KLF8: variants seen among roughly 807,000 people sequenced by gnomAD.
KLF8 encodes Krueppel-like factor 8.
A neutral mutation model predicts 18.2 loss-of-function variants in KLF8; 10 were observed. The observed-to-expected ratio is 0.55, with a 90% CI of 0.34 to 0.93. KLF8 has a LOEUF of 0.93. KLF8 is among the 40% of genes least tolerant of loss of function. KLF8 has a pLI of 0.02. For synonymous variants in KLF8, 109 were observed against 97.3 expected, an observed-to-expected ratio of 1.12 and a Z score of -0.71; for missense variants, 264 against 277.9, an observed-to-expected ratio of 0.95 and a Z score of 0.36.
chrX:55,990,572 C>T, the KLF8 span, among the ~76,000 whole-genome samples: 59,206 of 111,027 alleles, frequency 0.53, 13,745 homozygotes, highest in East Asian at 0.75. Context: ...GGAGGAGAGG[C>T]GCTCTGATTT....
chrX:56,089,128 G>T, the KLF8 span, among the ~76,000 whole-genome samples: 1 of 111,219 alleles, frequency 9.0e-6, no homozygotes, highest in African/African-American at 3.3e-5. Context: ...CACCACTGAA[G>T]TTAATATTTG....
At chrX:56,173,186 C>T in the KLF8 span, among the ~76,000 whole-genome samples, 4 of 111,702 alleles carry the variant, frequency 3.6e-5, no homozygotes, top group Admixed American at 1.9e-4. Flanking sequence ...TGCCTACATC[C>T]GGAATGATAT....
At chrX:56,186,301 G>A in the KLF8 span, among the ~76,000 whole-genome samples, 1 of 111,316 alleles carries the variant, frequency 9.0e-6, no homozygotes, top group Non-Finnish European at 1.9e-5. Context: ...AATGGTAAAG[G>A]GATCAATTCA....
the KLF8 span, among the ~76,000 whole-genome samples, chrX:56,021,487 A>G: frequency 1.8e-5 from 2 of 111,258 alleles, no homozygotes; most frequent in Non-Finnish European, 3.8e-5. Context: ...TGTTGATTAT[A>G]TATAAAGGGG....
chrX:55,998,439 C>T, the KLF8 span, among the ~76,000 whole-genome samples: 2 of 112,543 alleles, frequency 1.8e-5, no homozygotes, highest in Admixed American at 1.9e-4. Context: ...TCCCTGCGGC[C>T]TTCCGCAGTT....
the KLF8 span, among the ~76,000 whole-genome samples, chrX:56,195,169 T>A: frequency 8.9e-6 from 1 of 112,277 alleles, no homozygotes. Context: ...TCAGAGTACC[T>A]CTTCTACTCC....
At chrX:56,229,661 C>T (rs1025190290), upstream of KLF8, among the ~76,000 whole-genome samples, 1 of 111,640 alleles carries the variant, frequency 9.0e-6, no homozygotes, top group Non-Finnish European at 1.9e-5. Flanking sequence ...TTCATAGTTC[C>T]CTGTGAACCA....
chrX:56,156,081 G>A, the KLF8 span, among the ~76,000 whole-genome samples: 1 of 112,002 alleles, frequency 8.9e-6, no homozygotes, highest in East Asian at 2.8e-4. Context: ...TTGATTGCAT[G>A]TCTTTGTTAT....
chrX:56,156,611 A>G, the KLF8 span, among the ~76,000 whole-genome samples: 1 of 108,952 alleles, frequency 9.2e-6, no homozygotes, highest in African/African-American at 3.3e-5. Context: ...TTAGGGTACA[A>G]GTGCACAATG....
chrX:55,955,271 G>A, the KLF8 span, among the ~76,000 whole-genome samples: 1 of 111,280 alleles, frequency 9.0e-6, no homozygotes, highest in South Asian at 3.7e-4. Context: ...AAGCAAAAAA[G>A]TCCTAGGCAG....
chrX:56,051,471 C>G, the KLF8 span, among the ~76,000 whole-genome samples: 3 of 109,992 alleles, frequency 2.7e-5, no homozygotes, highest in Admixed American at 2.9e-4. Context: ...CTGGTGGTGA[C>G]AAAATCTCTC....
chrX:55,961,489 T>C, the KLF8 span: 1 of 548,572 alleles, frequency 1.8e-6, no homozygotes, highest in Non-Finnish European at 3.4e-6. Context: ...GGACAAAGAA[T>C]ACCTGCCCAT....
At chrX:56,101,225 TG>T in the KLF8 span, among the ~76,000 whole-genome samples, 5 of 112,301 alleles carry the variant, frequency 4.5e-5, no homozygotes, top group Middle Eastern at 9.2e-3. Context: ...TGTGGCATTT[TG>T]CTTTCTGTTC....
the KLF8 span, among the ~76,000 whole-genome samples, chrX:55,964,863 T>G: frequency 3.6e-5 from 4 of 111,467 alleles, no homozygotes; most frequent in African/African-American, 1.3e-4. Flanking sequence ...AAGAAGAAAC[T>G]GACACCCTGA....
At chrX:56,008,114 A>T in the KLF8 span, among the ~76,000 whole-genome samples, 27 of 101,676 alleles carry the variant, frequency 2.7e-4, no homozygotes, top group Non-Finnish European at 3.0e-4. Flanking sequence ...TTATTAGTGC[A>T]AAGCTATATA....
At chrX:55,950,971 C>T in the KLF8 span, among the ~76,000 whole-genome samples, 1 of 111,575 alleles carries the variant, frequency 9.0e-6, no homozygotes, top group South Asian at 3.8e-4. Context: ...TATGACACTG[C>T]CATTGGCCTT....
At chrX:56,205,424 A>G in the KLF8 span, among the ~76,000 whole-genome samples, 1 of 111,881 alleles carries the variant, frequency 8.9e-6, no homozygotes, top group African/African-American at 3.2e-5. Flanking sequence ...GCTCATTTTA[A>G]TACATTTCTA....
chrX:56,069,361 G>A, the KLF8 span, among the ~76,000 whole-genome samples: 2 of 111,408 alleles, frequency 1.8e-5, no homozygotes, highest in Non-Finnish European at 3.8e-5. Flanking sequence ...CGGTTAGAGG[G>A]TGCAGCTTCC....
chrX:56,282,406 G>T (rs1441837246), intron 5 of KLF8, among the ~76,000 whole-genome samples: 4 of 112,360 alleles, frequency 3.6e-5, no homozygotes, highest in Non-Finnish European at 5.6e-5. Context: ...AGCAGCTAAT[G>T]CAGCTATTTC....
Sources: allele counts gnomAD v4.1 joint callset (sites outside exome capture counted in the v4.1 genomes callset), GRCh38; gene constraint gnomAD v4.1.1; transcripts MANE v1.5; gene names NCBI Gene and HGNC (gene_info 2026-07-23, HGNC 2026-07-21).